GALNT14: variants seen among roughly 807,000 people sequenced by gnomAD.
The protein encoded by GALNT14 is UDP-GalNAc:polypeptide N-acetylgalactosaminyltransferase 14.
GALNT14 carries 60 observed loss-of-function variants against 77.5 expected under a neutral mutation model. That is an observed-to-expected ratio of 0.77 (90% confidence interval 0.63 to 0.96). The LOEUF (loss-of-function observed/expected upper bound fraction) is 0.96. GALNT14 is among the 40% of genes least tolerant of loss of function. GALNT14 has a pLI of 0.00. For synonymous variants in GALNT14, 280 were observed against 281.7 expected (o/e 0.99, Z 0.06); for missense variants, 710 against 731.0 (o/e 0.97, Z 0.33).
At chr2:31,066,828 C>T (rs141375233) in intron 1 of GALNT14, among the ~76,000 whole-genome samples, 360 of 152,070 alleles carry the variant, frequency 2.4e-3, no homozygotes, top group African/African-American at 8.1e-3. Context: ...GGGCTGCCCT[C>T]CAGAAACAGA....
Position 30,910,528 on chromosome 2 carries a change from C to T in GALNT14, c.*373G>A, listed in dbSNP as rs575293912. On this transcript the variant is annotated 3_prime_UTR_variant, in exon 15 of 15. Transcript: ENST00000349752. ...TGGAAACAACCTCCATTCTTCATCT[C>T]TCAATGTAGTCCTGGCCTAGTGAAA... 1 of 176,582 alleles carries T rather than the reference C, an allele frequency of 5.7e-6. No individual in the cohort carries two copies. The highest frequency in any genetic ancestry group is 2.4e-5 in the African/African-American group (1 of 42,312). 10.9% of individuals were successfully genotyped at this position (176,582 alleles called of 1,614,324 possible).
rs1255875036 is a variant in GALNT14, at chr2:30,958,464, A to G, written c.399T>C (p.Ser133=). The change falls in exon 4 of 15, where the codon AGT becomes AGC. Residue 133 remains serine (S), a splice_region_variant and synonymous_variant. Coordinates refer to ENST00000349752, the MANE Select transcript of GALNT14 (RefSeq NM_024572.4). ...ARSTLLRTIR[S]VLNRTPTHLI... is the part of the protein sequence containing the mutation. Reference sequence around the variant, plus strand: ...GATGCGTAGGGGTGCGGTTTAATACACTGCAAGATGGAAACAGAAAAAAAT... The same window carrying G: ...GATGCGTAGGGGTGCGGTTTAATACGCTGCAAGATGGAAACAGAAAAAAAT... The G allele has an allele frequency of 1.2e-6, 2 of 1,613,410 alleles. No homozygotes were observed. The highest frequency in any genetic ancestry group is 4.5e-5 in the East Asian group (2 of 44,878).
chr2:30,973,647 C>T (rs896304161), intron 2 of GALNT14, among the ~76,000 whole-genome samples: 1 of 152,190 alleles, frequency 6.6e-6, no homozygotes, highest in African/African-American at 2.4e-5. Context: ...AGTATGACAA[C>T]TATAAAATCA....
chr2:30,925,053 C>T (rs534378342), intron 11 of GALNT14, among the ~76,000 whole-genome samples: 73 of 152,288 alleles, frequency 4.8e-4, no homozygotes, highest in Non-Finnish European at 9.0e-4. Flanking sequence ...GTAATGACAG[C>T]GAGGACTGGT....
Position 31,068,995 on chromosome 2 carries a change from G to C in GALNT14, c.129+68963C>G, listed in dbSNP as rs577426851. The stretch of plus-strand genomic sequence containing the variant: ...AGATTAGTGGATTAGTGGTCACCTG[G>C]AGCGGGGTGGGGCATGGGAATTGAA... On this transcript the variant is annotated intron_variant, in intron 1 of 14. Transcript: ENST00000349752. Among the ~76,000 whole-genome samples the C allele has an allele frequency of 2.0e-3, 307 of 152,298 alleles. 2 individuals are homozygous for C. The highest frequency in any genetic ancestry group is 7.2e-3 in the African/African-American group (298 of 41,564).
rs112949577 is a variant in GALNT14, at chr2:31,138,274, G to T, written c.-188C>A. The T allele has an allele frequency of 5.9e-6, 4 of 681,510 alleles. No individual in the cohort carries two copies. Among genetic ancestry groups the T allele is most frequent in the Non-Finnish European group, 9.7e-6 (4 of 412,716 alleles). 42.2% of individuals were successfully genotyped at this position (681,510 alleles called of 1,614,324 possible). On this transcript the variant is annotated 5_prime_UTR_variant, in exon 1 of 15. Coordinates refer to ENST00000349752, the MANE Select transcript of GALNT14 (RefSeq NM_024572.4). ...CTTCGAAGAGAAGCGAGCCTGGGTG[G>T]GGGGTGCAGGGCGACCCGAAACGTG...
intron 1 of GALNT14, among the ~76,000 whole-genome samples, chr2:31,103,971 A>C (rs761648978): frequency 1.8e-4 from 27 of 152,196 alleles, no homozygotes; most frequent in South Asian, 2.1e-4. Context: ...ATTGTCTTAC[A>C]ATTGTCTTTG....
the GALNT14 span, among the ~76,000 whole-genome samples, chr2:30,904,265 A>G: frequency 6.6e-6 from 1 of 152,214 alleles, no homozygotes; most frequent in Non-Finnish European, 1.5e-5. Context: ...AGCGACGCAG[A>G]AGACGGTGAT....
At chr2:31,115,931 G>A (rs1678082885) in intron 1 of GALNT14, among the ~76,000 whole-genome samples, 1 of 152,154 alleles carries the variant, frequency 6.6e-6, no homozygotes, top group Non-Finnish European at 1.5e-5. Flanking sequence ...TGAAGCAGGA[G>A]GATCTTTTGG....
At chr2:30,923,118 A>C (rs886507306) in intron 13 of GALNT14, among the ~76,000 whole-genome samples, 6 of 141,020 alleles carry the variant, frequency 4.3e-5, no homozygotes, top group African/African-American at 1.1e-4. Context: ...GCTGGAGTGC[A>C]ATGGTGTGAT....
chr2:30,905,792 T>C (rs1391708324), downstream of GALNT14, among the ~76,000 whole-genome samples: 9 of 148,230 alleles, frequency 6.1e-5, no homozygotes, highest in African/African-American at 2.2e-4. Flanking sequence ...AAGGAAAAAA[T>C]GTTAAGGGCA....
chr2:31,073,439 G>A (rs867102773), intron 1 of GALNT14, among the ~76,000 whole-genome samples: 6 of 151,294 alleles, frequency 4.0e-5, no homozygotes, highest in Middle Eastern at 3.4e-3. Flanking sequence ...CATATCAGTC[G>A]ATAAATAATC....
chr2:30,990,926 A>G (rs898029643), intron 2 of GALNT14, among the ~76,000 whole-genome samples: 1 of 152,076 alleles, frequency 6.6e-6, no homozygotes, highest in Admixed American at 6.6e-5. Flanking sequence ...AGCAGATCAC[A>G]CTTTCTTAAC....
At chr2:30,916,412 G>A (rs1282642159) in intron 13 of GALNT14, among the ~76,000 whole-genome samples, 5 of 152,142 alleles carry the variant, frequency 3.3e-5, no homozygotes, top group African/African-American at 7.2e-5. Flanking sequence ...TCCGGGAACC[G>A]TCCCTCCTAT....
chr2:30,983,809 G>A (rs1022729361), intron 2 of GALNT14, among the ~76,000 whole-genome samples: 2 of 26,384 alleles, frequency 7.6e-5, no homozygotes, highest in African/African-American at 1.5e-4. Flanking sequence ...ACACACACAC[G>A]TATGCACACA....
At chr2:31,123,948 A>G (rs1045296774) in intron 1 of GALNT14, among the ~76,000 whole-genome samples, 3 of 152,180 alleles carry the variant, frequency 2.0e-5, no homozygotes, top group African/African-American at 7.2e-5. Flanking sequence ...TAATACAGCA[A>G]TACATCTAAG....
chr2:31,060,643 G>A (rs901200673), intron 1 of GALNT14, among the ~76,000 whole-genome samples: 1 of 152,206 alleles, frequency 6.6e-6, no homozygotes, highest in African/African-American at 2.4e-5. Flanking sequence ...GCTAGCGGCT[G>A]TCAACATGAC....
intron 1 of GALNT14, among the ~76,000 whole-genome samples, chr2:31,104,595 G>T (rs376811538): frequency 6.6e-6 from 1 of 152,124 alleles, no homozygotes; most frequent in African/African-American, 2.4e-5. Context: ...GTTGCATTTA[G>T]TTGTCATCTC....
chr2:30,967,822 C>T lies in GALNT14; in HGVS notation c.300-1520G>A, dbSNP rs115854762. ...CTTCCTCTGGTTTGAATCCCTCCAG[C>T]AGTTCCTGATGTATGAAGTCCAAAC... is the stretch of plus-strand genomic sequence containing the variant. On this transcript the variant is annotated intron_variant, in intron 2 of 14. Coordinates refer to ENST00000349752, the MANE Select transcript of GALNT14 (RefSeq NM_024572.4). Among the ~76,000 whole-genome samples the T allele has an allele frequency of 4.5e-3, 690 of 152,310 alleles. 3 individuals carry two copies. Among genetic ancestry groups the T allele is most frequent in the African/African-American group, 0.016 (664 of 41,558 alleles).
Sources: allele counts gnomAD v4.1 joint callset (sites outside exome capture counted in the v4.1 genomes callset), GRCh38; gene constraint gnomAD v4.1.1; transcripts MANE v1.5; gene names NCBI Gene and HGNC (gene_info 2026-07-23, HGNC 2026-07-21).